The following CYP4V2 variants were observed in gnomAD, a reference collection of about 807,000 sequenced individuals.
CYP4V2 encodes the protein cytochrome P450 family 4 subfamily V member 2.
A neutral mutation model predicts 60.8 loss-of-function variants in CYP4V2; 55 were observed. That is an observed-to-expected ratio of 0.90 (90% CI 0.73 to 1.13). CYP4V2 has a LOEUF of 1.13. Ranked by LOEUF, CYP4V2 falls within the 50% of genes most tolerant of loss-of-function variation. The pLI, the probability that CYP4V2 is intolerant of heterozygous loss-of-function variation, is 0.00. For missense variants in CYP4V2, 675 were observed against 662.9 expected, an observed-to-expected ratio of 1.02 and a Z score of -0.20; for synonymous variants, 239 against 236.8, an observed-to-expected ratio of 1.01 and a Z score of -0.08.
chr4:186,207,156 C>G (rs1736532246), intron 8 of CYP4V2, among the ~76,000 whole-genome samples: 1 of 151,940 alleles, frequency 6.6e-6, no homozygotes, highest in African/African-American at 2.4e-5. Context: ...CGCCTGTAAT[C>G]CCAGCACTTT....
rs1328870084 is a variant in CYP4V2, at chr4:186,191,757, G to A, written c.-67G>A. ...AAGTGGGCGGTGTGCGGCCGGCACC[G>A]CCTCGCACCACGCCCCCGCGGGCCC... On this transcript the variant is annotated 5_prime_UTR_variant, in exon 1 of 11. Coordinates refer to ENST00000378802, the MANE Select transcript of CYP4V2 (RefSeq NM_207352.4). 8 of 1,351,862 alleles carry A rather than the reference G, an allele frequency of 5.9e-6. No homozygotes were observed. Among genetic ancestry groups the A allele is most frequent in the Non-Finnish European group, 7.6e-6 (8 of 1,051,330 alleles). The allele number at this position is 1,351,862 out of a possible 1,614,324, so 83.7% of individuals were successfully genotyped here.
chr4:186,207,412 C>CA (rs10651706), intron 8 of CYP4V2, among the ~76,000 whole-genome samples: 6,662 of 117,680 alleles, frequency 0.057, 316 homozygotes, highest in Middle Eastern at 0.13. Context: ...ACTCTGTCTC[C>CA]AAAAAAAAAA....
intron 9 of CYP4V2, 34 bp from the exon 10 acceptor site, chr4:186,209,058 TC>T: frequency 6.2e-7 from 1 of 1,614,176 alleles, no homozygotes; most frequent in Non-Finnish European, 8.5e-7. Flanking sequence ...TCTACCTTGC[TC>T]CGGTCTCATA....
chr4:186,212,075 T>C lies in CYP4V2; in HGVS notation c.*1434T>C, dbSNP rs983501300. 6.6e-6 allele frequency: 1 copy of C among 152,178 alleles called. No individual in the cohort carries two copies. Among genetic ancestry groups the C allele is most frequent in the African/African-American group, 2.4e-5 (1 of 41,440 alleles). 9.4% of individuals were successfully genotyped at this position (152,178 alleles called of 1,614,324 possible). A position where few individuals can be genotyped will look rare whatever the true frequency, so the allele number is the denominator to read the frequency against. ...TTATATTATAAGTAAGGGAATAGAA[T>C]CAATAAGACAGTTTCTGCCCAAAGT... On this transcript the variant is annotated 3_prime_UTR_variant, in exon 11 of 11. Transcript: ENST00000378802.
chr4:186,196,888 C>T (rs201407155), intron 3 of CYP4V2, 52 bp from the exon 4 acceptor site: 2 of 422,500 alleles, frequency 4.7e-6, no homozygotes, highest in Non-Finnish European at 7.0e-6. Flanking sequence ...TTTTCTCTTT[C>T]TCTCTCTCTC....
At position 186,209,267 on chromosome 4, in the gene CYP4V2, G is replaced by A. The variant is rs1736635807; in HGVS notation, c.1400G>A (p.Cys467Tyr). 1 of 1,613,742 alleles carries A rather than the reference G, an allele frequency of 6.2e-7. No homozygotes were observed. Among genetic ancestry groups the A allele is most frequent in the African/African-American group, 1.3e-5 (1 of 74,822 alleles). Residue 467 changes from cysteine (C) to tyrosine (Y), a missense_variant, in exon 10 of 11, where the codon TGT becomes TAT. Transcript: ENST00000378802. The part of the protein sequence containing the change: ...YVPFSAGPRN[C>Y]IGQKFAVMEE... ...CCCTTCTCTGCTGGCCCCAGGAACT[G>A]TATAGGTTTGTATCCATCTGAATTG...
Position 186,197,006 on chromosome 4 carries a change from A to G in CYP4V2, c.480A>G (p.Glu160=). ...CCACTTTCCATTTTACCATTCTGGAAGATTTCTTAGATATCATGAATGAAC... is the reference window on the plus strand; with the variant it reads ...CCACTTTCCATTTTACCATTCTGGAGGATTTCTTAGATATCATGAATGAAC... The part of the protein sequence containing the change: ...LTPTFHFTIL[E]DFLDIMNEQA... The change falls in exon 4 of 11, where the codon GAA becomes GAG. Residue 160 remains glutamate (E), a synonymous_variant. Coordinates refer to ENST00000378802, the MANE Select transcript of CYP4V2 (RefSeq NM_207352.4). 2 of 1,613,882 alleles carry G rather than the reference A, an allele frequency of 1.2e-6. No individual in the cohort carries two copies. Among genetic ancestry groups the G allele is most frequent in the Non-Finnish European group, 1.7e-6 (2 of 1,180,026 alleles).
chr4:186,210,722 G>A lies in CYP4V2; in HGVS notation c.*81G>A, dbSNP rs1736690060. On this transcript the variant is annotated 3_prime_UTR_variant, in exon 11 of 11. Coordinates refer to ENST00000378802, the MANE Select transcript of CYP4V2 (RefSeq NM_207352.4). ...TTGTCATTTACAATTTACAGATCAT[G>A]AGTTCAATATGCTTGAATCCCCTAG... The A allele has an allele frequency of 1.3e-6, 2 of 1,557,182 alleles. No homozygotes were observed. Among genetic ancestry groups the A allele is most frequent in the African/African-American group, 2.7e-5 (2 of 73,604 alleles).
At chr4:186,198,866 G>A (rs1418223482) in intron 5 of CYP4V2, 91 bp from the exon 6 acceptor site, 14 of 1,588,596 alleles carry the variant, frequency 8.8e-6, no homozygotes, top group East Asian at 2.2e-5. Flanking sequence ...TCATTCCCAC[G>A]ATTGCCTTCA....
rs1218953078 is a variant in CYP4V2 at position 186,197,085 on chromosome 4, A to C, written c.559A>C (p.Asn187His). The C allele has an allele frequency of 6.2e-7, 1 of 1,613,984 alleles. No homozygotes were observed. Among genetic ancestry groups the C allele is most frequent in the Admixed American group, 1.7e-5 (1 of 60,024 alleles). ...LEKHINQEAF[N>H]CFFYITLCAL... ...AAAACACATTAACCAAGAAGCATTT[A>C]ACTGCTTTTTTTACATCACTCTTTG... Residue 187 changes from asparagine to histidine, a missense_variant, in exon 4 of 11, where the codon AAC (asparagine) becomes CAC (histidine). By Grantham distance (68) the Asn-to-His change is moderately conservative. Coordinates refer to ENST00000378802, the MANE Select transcript of CYP4V2 (RefSeq NM_207352.4).
intron 8 of CYP4V2, 39 bp downstream of exon 8, chr4:186,205,341 A>C (rs778410460): frequency 6.4e-7 from 1 of 1,561,152 alleles, no homozygotes; most frequent in Non-Finnish European, 8.8e-7. Context: ...TGTGGTACTA[A>C]GTCTGCTGCA....
At chr4:186,208,815 C>A in intron 8 of CYP4V2, 50 bp from the exon 9 acceptor site, 2 of 1,613,804 alleles carry the variant, frequency 1.2e-6, no homozygotes, top group Non-Finnish European at 8.5e-7. Context: ...TGTCTGCACC[C>A]CCAGCCCCCA....
chr4:186,196,504 C>G (rs920018873), intron 3 of CYP4V2: 2 of 302,030 alleles, frequency 6.6e-6, no homozygotes, highest in African/African-American at 4.3e-5. Flanking sequence ...AGAGAGGGCC[C>G]CACAAGAGCA....
intron 6 of CYP4V2, among the ~76,000 whole-genome samples, chr4:186,199,488 AT>A (rs1736246765): frequency 6.6e-6 from 1 of 152,204 alleles, no homozygotes; most frequent in South Asian, 2.1e-4. Flanking sequence ...AAAGGAAGTT[AT>A]TCTAGTAGGA....
chr4:186,209,077 GACTACTTCTTGAC>G lies in CYP4V2; in HGVS notation c.1226-14_1226-2del. The G allele has an allele frequency of 6.2e-7, 1 of 1,614,110 alleles. No homozygotes were observed. The highest frequency in any genetic ancestry group is 8.5e-7 in the Non-Finnish European group (1 of 1,180,026). ...CCTTGCTCCGGTCTCATAATGTATT[GACTACTTCTTGAC>G]AGCAGGTTACAGAGTTCTAAAAGGC... On this transcript the variant is annotated splice_region_variant and splice_polypyrimidine_tract_variant and intron_variant, in intron 9 of 10. Coordinates refer to ENST00000378802, the MANE Select transcript of CYP4V2 (RefSeq NM_207352.4).
intron 2 of CYP4V2, among the ~76,000 whole-genome samples, chr4:186,194,996 T>C (rs141350955): frequency 1.4e-4 from 21 of 152,336 alleles, no homozygotes; most frequent in Non-Finnish European, 3.1e-4. Flanking sequence ...GGGTCTCATA[T>C]CAATGATAAA....
chr4:186,192,651 A>G (rs1397330480), intron 1 of CYP4V2, among the ~76,000 whole-genome samples: 2 of 152,244 alleles, frequency 1.3e-5, no homozygotes, highest in African/African-American at 4.8e-5. Context: ...TTTTTAATTA[A>G]AATCATGTTT....
chr4:186,197,260 G>A (rs1360562003), intron 4 of CYP4V2, 130 bp downstream of exon 4: 60 of 1,151,854 alleles, frequency 5.2e-5, no homozygotes, highest in Middle Eastern at 2.6e-4. Context: ...GCGGTTCTAC[G>A]ACCGCACTGG....
chr4:186,204,547 G>T, intron 7 of CYP4V2: 1 of 184,608 alleles, frequency 5.4e-6, no homozygotes, highest in South Asian at 8.9e-5. Context: ...CACGCCGCAG[G>T]CTCAGTTTCT....
Sources: allele counts gnomAD v4.1 joint callset (sites outside exome capture counted in the v4.1 genomes callset), GRCh38; gene constraint gnomAD v4.1.1; transcripts MANE v1.5; gene names NCBI Gene and HGNC (gene_info 2026-07-23, HGNC 2026-07-21).